The following KIF13B variants were observed in gnomAD, a reference collection of about 807,000 sequenced individuals.
The protein encoded by KIF13B is kinesin family member 13B.
KIF13B carries 127 observed loss-of-function variants against 222.0 expected under a neutral mutation model. That is an observed-to-expected ratio of 0.57 (90% CI 0.50 to 0.66). The LOEUF (loss-of-function observed/expected upper bound fraction) is 0.66, where lower values mean the gene tolerates loss of function less well. KIF13B is among the 30% of genes least tolerant of loss of function. The probability of loss-of-function intolerance (pLI) is 0.00; values close to 1 mark genes in which losing one functional copy is unlikely to be tolerated. For missense variants in KIF13B, 2,173 were observed against 2,379.0 expected (o/e 0.91, Z 1.80); for synonymous variants, 976 against 919.0 (o/e 1.06, Z -1.12).
chr8:29,143,606 G>C (rs1485497552), intron 18 of KIF13B, among the ~76,000 whole-genome samples: 1 of 152,120 alleles, frequency 6.6e-6, no homozygotes, highest in African/African-American at 2.4e-5. Context: ...CCAGCACTTT[G>C]GGAGGCCAAG....
At chr8:29,222,699 A>T (rs748659882) in intron 2 of KIF13B, among the ~76,000 whole-genome samples, 14 of 152,058 alleles carry the variant, frequency 9.2e-5, no homozygotes, top group Non-Finnish European at 1.9e-4. Flanking sequence ...TCAGATCATA[A>T]AAGTCACTCT....
At chr8:29,239,966 A>G (rs1815690580) in intron 2 of KIF13B, among the ~76,000 whole-genome samples, 1 of 151,656 alleles carries the variant, frequency 6.6e-6, no homozygotes, top group Non-Finnish European at 1.5e-5. Flanking sequence ...CCTGGCCGCA[A>G]TACACCCTTG....
intron 7 of KIF13B, 86 bp from the exon 8 acceptor site, chr8:29,180,324 G>C: frequency 1.5e-6 from 2 of 1,369,230 alleles, no homozygotes; most frequent in South Asian, 2.4e-5. Context: ...TTCATTGCAA[G>C]TTTTGCTACT....
intron 35 of KIF13B, among the ~76,000 whole-genome samples, chr8:29,103,730 T>A (rs1808910646): frequency 1.3e-5 from 2 of 152,298 alleles, no homozygotes; most frequent in Admixed American, 1.3e-4. Flanking sequence ...GCTGGCCTCA[T>A]TCCAAGTATT....
intron 2 of KIF13B, among the ~76,000 whole-genome samples, chr8:29,202,658 T>C (rs937903294): frequency 2.6e-5 from 4 of 152,200 alleles, no homozygotes; most frequent in Admixed American, 6.5e-5. Context: ...CCAGTTCCCC[T>C]AGCAGTGGAA....
chr8:29,081,880 T>C (rs1317775138), intron 37 of KIF13B, among the ~76,000 whole-genome samples: 1 of 152,234 alleles, frequency 6.6e-6, no homozygotes, highest in Non-Finnish European at 1.5e-5. Context: ...ATTGGAATTT[T>C]GTGTCTGGTC....
chr8:29,173,942 C>T (rs1429816142), intron 10 of KIF13B, among the ~76,000 whole-genome samples: 2 of 126,754 alleles, frequency 1.6e-5, no homozygotes, highest in Non-Finnish European at 3.3e-5. Flanking sequence ...GGCTCCGTCT[C>T]AAAAAAAAAA....
intron 2 of KIF13B, among the ~76,000 whole-genome samples, chr8:29,242,552 T>C (rs577799099): frequency 2.1e-4 from 32 of 152,308 alleles, no homozygotes; most frequent in African/African-American, 7.7e-4. Flanking sequence ...CAAAAAGATA[T>C]TAATTGTTCT....
rs184081933 is a variant in KIF13B, at chr8:29,147,090, C to T, written c.2024+302G>A. Among the ~76,000 whole-genome samples, 239 of 152,258 alleles carry T rather than the reference C, an allele frequency of 1.6e-3. 1 individual carries two copies. Among genetic ancestry groups the T allele is most frequent in the African/African-American group, 5.5e-3 (229 of 41,560 alleles). ...ACTTTGTTTTTCTAAAAATCATCTA[C>T]CCAAGCTTCAGAACCTAAAGCATAA... On this transcript the variant is annotated intron_variant, in intron 17 of 39. Transcript: ENST00000524189.
In KIF13B at chr8:29,107,099, CATAA is replaced by C. The variant is rs546364086; in HGVS notation, c.4215+1036_4215+1039del. Among the ~76,000 whole-genome samples the C allele has an allele frequency of 1.8e-3, 269 of 152,352 alleles. 2 individuals carry two copies. Among genetic ancestry groups the C allele is most frequent in the Middle Eastern group, 0.01 (3 of 294 alleles). On this transcript the variant is annotated intron_variant, in intron 35 of 39. Coordinates refer to ENST00000524189, the MANE Select transcript of KIF13B (RefSeq NM_015254.4). ...GCTAAACAGGGAAGGCTCTATTACA[CATAA>C]ATAAATTCCAGCGAATAAAATTTCC...
intron 2 of KIF13B, among the ~76,000 whole-genome samples, chr8:29,220,552 TA>T (rs57295549): frequency 4.7e-5 from 7 of 149,494 alleles, no homozygotes; most frequent in South Asian, 2.1e-4. Flanking sequence ...TTTCTTTATT[TA>T]AAAAAAAAAG....
chr8:29,142,351 A>G, intron 18 of KIF13B, 48 bp from the exon 19 acceptor site: 1 of 1,549,434 alleles, frequency 6.5e-7, no homozygotes, highest in South Asian at 1.2e-5. Flanking sequence ...GGCAGCGGGG[A>G]AGTCAAAGCT....
At chr8:29,085,849 CAAAAAAAAAAAAA>C (rs752162185) in intron 37 of KIF13B, among the ~76,000 whole-genome samples, 1 of 67,368 alleles carries the variant, frequency 1.5e-5, no homozygotes, top group East Asian at 4.4e-4. Context: ...GAGCCCGTAA[CAAAAAAAAAAAAA>C]AAAAAAAAAA....
chr8:29,177,254 A>T (rs914741516), intron 9 of KIF13B, among the ~76,000 whole-genome samples: 1 of 151,780 alleles, frequency 6.6e-6, no homozygotes, highest in Non-Finnish European at 1.5e-5. Context: ...GACCCAAAAC[A>T]GCAATAGGGC....
At chr8:29,079,910 T>C (rs954380998) in intron 37 of KIF13B, among the ~76,000 whole-genome samples, 4 of 151,892 alleles carry the variant, frequency 2.6e-5, no homozygotes, top group Non-Finnish European at 4.4e-5. Flanking sequence ...TTGTTACAAA[T>C]AGTTAGTAGC....
intron 13 of KIF13B, among the ~76,000 whole-genome samples, chr8:29,158,176 A>G (rs1563749122): frequency 6.6e-6 from 1 of 152,174 alleles, no homozygotes; most frequent in Non-Finnish European, 1.5e-5. Context: ...TGAGCTCACA[A>G]TTGGAAAAAG....
intron 34 of KIF13B, 129 bp downstream of exon 34, chr8:29,109,305 C>T (rs1809243057): frequency 2.8e-6 from 2 of 718,180 alleles, no homozygotes; most frequent in Admixed American, 2.2e-5. Flanking sequence ...AGACCAGGGG[C>T]CCTGACATCA....
chr8:29,152,694 C>T (rs1367288663), intron 14 of KIF13B, among the ~76,000 whole-genome samples: 5 of 151,890 alleles, frequency 3.3e-5, no homozygotes, highest in Non-Finnish European at 7.4e-5. Flanking sequence ...TCACTGAAAC[C>T]TCTGCCTCCC....
Position 29,176,152 on chromosome 8 carries a change from G to A in KIF13B, c.861C>T (p.Ile287=). Residue 287 remains isoleucine (I), a synonymous_variant, in exon 10 of 40, where the codon ATC becomes ATT. Transcript: ENST00000524189. ...NKSLTTLGLV[I]SALADQSAGK... is the part of the protein sequence containing the mutation. The stretch of plus-strand genomic sequence containing the variant: ...CAGCACTCTGATCTGCAAGAGCTGA[G>A]ATAACCAGACCGAGGGTTGTGAGGG... 1.2e-6 allele frequency: 2 copies of A among 1,613,484 alleles called. No homozygotes were observed. The highest frequency in any genetic ancestry group is 8.5e-7 in the Non-Finnish European group (1 of 1,179,506).
Sources: allele counts gnomAD v4.1 joint callset (sites outside exome capture counted in the v4.1 genomes callset), GRCh38; gene constraint gnomAD v4.1.1; transcripts MANE v1.5; gene names NCBI Gene and HGNC (gene_info 2026-07-23, HGNC 2026-07-21).